The following RNF34 variants were observed in gnomAD, a reference collection of about 807,000 sequenced individuals.
RNF34 encodes E3 ubiquitin-protein ligase RNF34.
Under a neutral mutation model 37.9 loss-of-function variants are expected in RNF34, and 12 were observed. The ratio of observed to expected loss-of-function variants is 0.32; its 90% confidence interval spans 0.20 to 0.51. The LOEUF (loss-of-function observed/expected upper bound fraction) is 0.51, where lower values mean the gene tolerates loss of function less well. Among genes scored for constraint, RNF34 ranks in the 20% least tolerant of loss-of-function variants. RNF34 has a pLI of 0.97. For missense variants in RNF34, 362 were observed against 472.7 expected (o/e 0.77, Z 2.17); for synonymous variants, 155 against 177.2 (o/e 0.87, Z 1.00).
chr12:121,414,693 G>T (rs1462148109), intron 1 of RNF34, among the ~76,000 whole-genome samples: 1 of 152,078 alleles, frequency 6.6e-6, no homozygotes, highest in Non-Finnish European at 1.5e-5. Context: ...GTTTTTTCGA[G>T]ATGGACTCTC....
chr12:121,416,149 T>A lies in RNF34; in HGVS notation c.7-10T>A, dbSNP rs1349668712. On this transcript the variant is annotated splice_polypyrimidine_tract_variant and intron_variant, in intron 1 of 5. Transcript: ENST00000361234. ...TAGCTTTAAACTGTGGGATTTGTGT[T>A]CCTTTTTAGGCGGGTGCCACGTCTA... is the stretch of plus-strand genomic sequence containing the variant. The A allele has an allele frequency of 5.0e-6, 8 of 1,612,020 alleles. No homozygotes were observed. Among genetic ancestry groups the A allele is most frequent in the Non-Finnish European group, 5.9e-6 (7 of 1,178,466 alleles).
intron 5 of RNF34, among the ~76,000 whole-genome samples, chr12:121,421,996 ATCTTCAT>A (rs1872209997): frequency 6.6e-6 from 1 of 152,210 alleles, no homozygotes; most frequent in Non-Finnish European, 1.5e-5. Context: ...AGATGCAGGA[ATCTTCAT>A]CCTCAGAGCT....
In RNF34 at chr12:121,413,671, G is replaced by A. The variant is rs190770382; in HGVS notation, c.7-2488G>A. ...GGGCTCACTGCAAGCTCCGCCTCCC[G>A]GGTTCACGCCATTCTCCTGCCTCAG... On this transcript the variant is annotated intron_variant, in intron 1 of 5. Transcript: ENST00000361234. 4.5e-3 allele frequency among the ~76,000 whole-genome samples: 669 copies of A among 147,082 alleles called. 2 individuals are homozygous for A. The highest frequency in any genetic ancestry group is 0.011 in the Middle Eastern group (3 of 282).
chr12:121,420,282 A>T lies in RNF34; in HGVS notation c.674A>T (p.Asp225Val). Residue 225 changes from aspartate to valine, a missense_variant, in exon 4 of 6, where the codon GAT (aspartate) becomes GTT (valine). Coordinates refer to ENST00000361234, the MANE Select transcript of RNF34 (RefSeq NM_025126.4). ...EITSANTEDD[D>V]DDDDEDDDDE... ...ACTTCAGCAAACACAGAAGATGATG[A>T]TGACGACGATGATGAGGATGATGAT... The T allele has an allele frequency of 6.3e-7, 1 of 1,597,922 alleles. No homozygotes were observed. Among genetic ancestry groups the T allele is most frequent in the Non-Finnish European group, 8.5e-7 (1 of 1,170,332 alleles).
At chr12:121,413,030 T>TC (rs1391822089) in intron 1 of RNF34, among the ~76,000 whole-genome samples, 2 of 140,352 alleles carry the variant, frequency 1.4e-5, no homozygotes, top group African/African-American at 5.8e-5. Context: ...ATTTTTTTTT[T>TC]CCTTCCTCTT....
Position 121,417,556 on chromosome 12 carries a change from A to C in RNF34, c.278A>C (p.Gln93Pro). Residue 93 changes from glutamine (Q) to proline (P), a missense_variant, in exon 3 of 6, where the codon CAA becomes CCA. Physicochemically the swap from Gln to Pro is moderately conservative, Grantham distance 76 (BLOSUM62 -1). Transcript: ENST00000361234. This position sits in a 1 kb window ranked among gnomAD's most constrained non-coding sequence, Gnocchi z 5.0. Reference sequence around the variant, plus strand: ...TTTTGCTCCGTTTGTTCAGTCTTACAAGAAAATCTCCGTAGATGTTCTACT... The same window carrying C: ...TTTTGCTCCGTTTGTTCAGTCTTACCAGAAAATCTCCGTAGATGTTCTACT... ...KDFCSVCSVL[Q>P]ENLRRCSTCH... is the part of the protein sequence containing the mutation. 1.2e-6 allele frequency: 2 copies of C among 1,614,154 alleles called. No homozygotes were observed. The highest frequency in any genetic ancestry group is 1.7e-6 in the Non-Finnish European group (2 of 1,179,972).
Position 121,400,159 on chromosome 12 carries a change from T to A in RNF34, c.-54T>A. The A allele has an allele frequency of 6.3e-7, 1 of 1,598,226 alleles. No individual in the cohort carries two copies. The highest frequency in any genetic ancestry group is 8.5e-7 in the Non-Finnish European group (1 of 1,175,198). On this transcript the variant is annotated 5_prime_UTR_variant, in exon 1 of 6. Coordinates refer to ENST00000361234, the MANE Select transcript of RNF34 (RefSeq NM_025126.4). Reference sequence around the variant, plus strand: ...GAAGGAGGTCGGCAGTGTGAGGAGCTGCTATGGTGCTGAGTTTCCTGGTAG... The same window carrying A: ...GAAGGAGGTCGGCAGTGTGAGGAGCAGCTATGGTGCTGAGTTTCCTGGTAG...
chr12:121,420,469 C>T, intron 4 of RNF34, 108 bp from the exon 5 acceptor site: 4 of 1,564,196 alleles, frequency 2.6e-6, no homozygotes, highest in Non-Finnish European at 3.5e-6. Flanking sequence ...TGAAACACTT[C>T]TAGGACTGCT....
intron 3 of RNF34, chr12:121,419,933 G>A: frequency 3.8e-6 from 1 of 265,320 alleles, no homozygotes; most frequent in Non-Finnish European, 7.5e-6. Context: ...ATGACACAGT[G>A]CTGTCCCATA....
rs529512856 is a variant in RNF34, at chr12:121,400,163, A to C, written c.-50A>C. ...GAGGTCGGCAGTGTGAGGAGCTGCT[A>C]TGGTGCTGAGTTTCCTGGTAGAGCC... On this transcript the variant is annotated 5_prime_UTR_variant, in exon 1 of 6. The change abolishes an upstream ATG in the 5' untranslated region. Coordinates refer to ENST00000361234, the MANE Select transcript of RNF34 (RefSeq NM_025126.4). The C allele has an allele frequency of 1.0e-5, 16 of 1,601,106 alleles. No homozygotes were observed. Among genetic ancestry groups the C allele is most frequent in the Non-Finnish European group, 1.3e-5 (15 of 1,176,378 alleles).
intron 1 of RNF34, among the ~76,000 whole-genome samples, chr12:121,410,685 G>A (rs1290129985): frequency 6.6e-6 from 1 of 152,142 alleles, no homozygotes; most frequent in Non-Finnish European, 1.5e-5. Flanking sequence ...ATAACTATAA[G>A]TGGATTTGCC....
At chr12:121,416,008 C>A (rs1021618367) in intron 1 of RNF34, 151 bp from the exon 2 acceptor site, 2 of 611,530 alleles carry the variant, frequency 3.3e-6, no homozygotes, top group East Asian at 5.6e-5. Context: ...AAATTCTTTC[C>A]AAATGGCTTG....
chr12:121,403,122 C>T (rs553035564), intron 1 of RNF34, among the ~76,000 whole-genome samples: 7 of 152,238 alleles, frequency 4.6e-5, no homozygotes, highest in African/African-American at 7.2e-5. Context: ...AGAGGCCGGG[C>T]GCGGTGGCTC....
chr12:121,419,178 G>C (rs1007802192), intron 3 of RNF34, among the ~76,000 whole-genome samples: 1 of 152,126 alleles, frequency 6.6e-6, no homozygotes, highest in Non-Finnish European at 1.5e-5. Context: ...TTTGTGTTTA[G>C]ATATGTTTAG....
At chr12:121,410,864 G>A (rs1870991769) in intron 1 of RNF34, among the ~76,000 whole-genome samples, 1 of 152,158 alleles carries the variant, frequency 6.6e-6, no homozygotes, top group African/African-American at 2.4e-5. Flanking sequence ...GTTAATATGT[G>A]TCTGAGTTGT....
At chr12:121,419,558 A>G (rs1871912758) in intron 3 of RNF34, among the ~76,000 whole-genome samples, 1 of 130,730 alleles carries the variant, frequency 7.6e-6, no homozygotes, top group East Asian at 2.2e-4. Flanking sequence ...TGGATGCTAC[A>G]GTATGGTGCC....
In RNF34 at chr12:121,417,991, T is replaced by C; in HGVS notation, c.633+80T>C. 1.4e-6 allele frequency: 2 copies of C among 1,407,278 alleles called. No homozygotes were observed. Among genetic ancestry groups the C allele is most frequent in the Non-Finnish European group, 1.9e-6 (2 of 1,029,520 alleles). The allele number at this position is 1,407,278 out of a possible 1,614,324, so 87.2% of individuals were successfully genotyped here. A position where few individuals can be genotyped will look rare whatever the true frequency, so the allele number is the denominator to read the frequency against. On this transcript the variant is annotated intron_variant, in intron 3 of 5. Transcript: ENST00000361234. The surrounding 1 kb of genome is among the most constrained non-coding windows in gnomAD (Gnocchi z 5.0). ...ATATGGTGGGGCCTTTAGTGCTTGATGACTTCTGATAAACTTCAAGTCATG... is the reference window on the plus strand; with the variant it reads ...ATATGGTGGGGCCTTTAGTGCTTGACGACTTCTGATAAACTTCAAGTCATG...
intron 1 of RNF34, among the ~76,000 whole-genome samples, chr12:121,411,709 T>C (rs1871082376): frequency 6.6e-6 from 1 of 152,222 alleles, no homozygotes; most frequent in Admixed American, 6.5e-5. Context: ...TACTTGTCAG[T>C]CATACCATGG....
At chr12:121,405,197 G>A in intron 1 of RNF34, 1 of 152,336 alleles carries the variant, frequency 6.6e-6, no homozygotes, top group Non-Finnish European at 1.5e-5. Flanking sequence ...TTTGGGGAGG[G>A]AACAGTATGG....
Sources: gnomAD v4.1 joint callset for allele counts (sites outside exome capture counted in the v4.1 genomes callset) on GRCh38, gnomAD v4.1.1 for gene constraint, Gnocchi (gnomAD v3.1) non-coding constraint, MANE v1.5 for transcripts, NCBI Gene and HGNC (gene_info 2026-07-23, HGNC 2026-07-21) for gene names.